ARID1B: variants seen among roughly 807,000 people sequenced by gnomAD.
The protein encoded by ARID1B is AT-rich interaction domain 1B, also known as AT-rich interactive domain-containing protein 1B.
Under a neutral mutation model 212.3 loss-of-function variants are expected in ARID1B, and 30 were observed. The ratio of observed to expected loss-of-function variants is 0.14; its 90% CI spans 0.11 to 0.19. ARID1B has a LOEUF of 0.19. ARID1B is among the 10% of genes least tolerant of loss of function. The pLI, the probability that ARID1B is intolerant of heterozygous loss-of-function variation, is 1.00. For missense variants in ARID1B, 2,891 were observed against 3,204.0 expected (o/e 0.90, Z 2.36); for synonymous variants, 1,402 against 1,301.7 (o/e 1.08, Z -1.66).
intron 2 of ARID1B, among the ~76,000 whole-genome samples, chr6:156,830,465 A>G (rs1352774195): frequency 6.6e-6 from 1 of 152,218 alleles, no homozygotes; most frequent in Non-Finnish European, 1.5e-5. Flanking sequence ...AGAATGATTG[A>G]TCATACTTTA....
chr6:156,884,495 C>T (rs1216138366), intron 2 of ARID1B, among the ~76,000 whole-genome samples: 1 of 152,132 alleles, frequency 6.6e-6, no homozygotes, highest in East Asian at 1.9e-4. Context: ...AGTAAAGCTC[C>T]AGCAGATAAG....
intron 13 of ARID1B, among the ~76,000 whole-genome samples, chr6:157,188,198 T>C (rs970092993): frequency 5.3e-5 from 8 of 150,946 alleles, no homozygotes; most frequent in African/African-American, 9.7e-5. Flanking sequence ...CCCCTCAACT[T>C]AAAGTTTAAA....
At chr6:156,926,119 T>G (rs1190745598) in intron 3 of ARID1B, among the ~76,000 whole-genome samples, 1 of 152,088 alleles carries the variant, frequency 6.6e-6, no homozygotes, top group Non-Finnish European at 1.5e-5. Context: ...CACCAGGCCT[T>G]TAAGAGGTGG....
intron 11 of ARID1B, among the ~76,000 whole-genome samples, chr6:157,178,151 C>G (rs1430055253): frequency 6.6e-6 from 1 of 152,122 alleles, no homozygotes; most frequent in South Asian, 2.1e-4. Context: ...ACTGTGCCCA[C>G]GTTCACTCCA....
rs2115005235 is a variant in ARID1B at position 156,779,420 on chromosome 6, T to C, written c.1740T>C (p.Ser580=). ...CCTGGGCGGCCGCGCAACAAAGGAG[T>C]CACCCGGCGATGAGCCCCGGCACCC... ...SPAWAAAQQR[S]HPAMSPGTPG... The change falls in exon 1 of 20, where the codon AGT becomes AGC. Residue 580 remains serine (S), a synonymous_variant. Transcript: ENST00000636930. 1.4e-6 allele frequency: 2 copies of C among 1,461,570 alleles called. No individual in the cohort carries two copies. Among genetic ancestry groups the C allele is most frequent in the Non-Finnish European group, 1.8e-6 (2 of 1,105,318 alleles). 90.5% of individuals were successfully genotyped at this position (1,461,570 alleles called of 1,614,324 possible). A position where few individuals can be genotyped will look rare whatever the true frequency, so the allele number is the denominator to read the frequency against.
At chr6:156,812,910 C>T (rs1207177462) in intron 1 of ARID1B, among the ~76,000 whole-genome samples, 1 of 140,168 alleles carries the variant, frequency 7.1e-6, no homozygotes. Flanking sequence ...CCTTTCTTTT[C>T]CAAATAGAAA....
chr6:157,071,239 T>C (rs1055301588), intron 4 of ARID1B: 3 of 152,148 alleles, frequency 2.0e-5, no homozygotes, highest in Non-Finnish European at 4.4e-5. Context: ...GCAGGTGCAC[T>C]CCACACAAGG....
intron 4 of ARID1B, chr6:156,977,188 G>T: frequency 2.1e-5 from 4 of 186,198 alleles, no homozygotes; most frequent in South Asian, 1.0e-4. Flanking sequence ...TTTTGGTTGT[G>T]TTTTATTGAC....
chr6:157,035,315 A>G (rs1287398923), intron 4 of ARID1B, among the ~76,000 whole-genome samples: 2 of 152,236 alleles, frequency 1.3e-5, no homozygotes, highest in Non-Finnish European at 2.9e-5. Flanking sequence ...GATATGATCT[A>G]TATGTGTAAT....
chr6:156,894,286 C>CGGGGGGTGGGGATGGGGGCCG (rs1788204015), intron 2 of ARID1B, among the ~76,000 whole-genome samples: 2 of 24,146 alleles, frequency 8.3e-5, no homozygotes, highest in African/African-American at 1.4e-4. Flanking sequence ...GGATGGGGGC[C>CGGGGGGTGGGGATGGGGGCCG]GGGGGGTTGG....
intron 1 of ARID1B, among the ~76,000 whole-genome samples, chr6:156,787,455 C>G (rs1048890912): frequency 6.6e-6 from 1 of 152,314 alleles, no homozygotes; most frequent in East Asian, 1.9e-4. Flanking sequence ...CACCATATTT[C>G]ATAGCCTTAT....
In ARID1B at chr6:157,190,239, AT is replaced by A; in HGVS notation, c.4231+30del. The A allele has an allele frequency of 1.3e-6, 2 of 1,587,838 alleles. No homozygotes were observed. The highest frequency in any genetic ancestry group is 1.3e-5 in the African/African-American group (1 of 74,108). ...CGTGTAGAGGGGCCTCCACCCGGCC[AT>A]GGACCAGTGGGCATTCTACTCTCTG... On this transcript the variant is annotated intron_variant, in intron 15 of 19. Transcript: ENST00000636930. This position sits in a 1 kb window ranked among gnomAD's most constrained non-coding sequence, Gnocchi z 4.6.
intron 3 of ARID1B, among the ~76,000 whole-genome samples, chr6:156,909,088 G>A (rs957959332): frequency 6.8e-6 from 1 of 148,044 alleles, no homozygotes; most frequent in Admixed American, 6.7e-5. Flanking sequence ...TGTATAAAAC[G>A]TAAGGGCACT....
At chr6:157,196,113 CTTTGACTTTCAGAAATGCCT>C in intron 15 of ARID1B, 32 bp from the exon 16 acceptor site, 9 of 1,596,778 alleles carry the variant, frequency 5.6e-6, no homozygotes, top group Non-Finnish European at 7.7e-6. Context: ...ATGGATGGGC[CTTTGACTTTCAGAAATGCCT>C]AAATGTATGC....
chr6:156,857,659 T>G (rs1785042771), intron 2 of ARID1B, among the ~76,000 whole-genome samples: 1 of 152,232 alleles, frequency 6.6e-6, no homozygotes, highest in Non-Finnish European at 1.5e-5. Flanking sequence ...CAAATAGTGT[T>G]CTGTTCCTAA....
At chr6:157,075,150 A>G (rs1784226154) in intron 4 of ARID1B, among the ~76,000 whole-genome samples, 1 of 14,774 alleles carries the variant, frequency 6.8e-5, no homozygotes, top group South Asian at 3.4e-3. Flanking sequence ...CTGCCCCTGT[A>G]CAAAAATGAA....
Position 157,080,889 on chromosome 6 carries a change from T to C in ARID1B, c.2248-3773T>C, listed in dbSNP as rs146494798. Among the ~76,000 whole-genome samples the C allele has an allele frequency of 9.2e-5, 14 of 152,322 alleles. No individual in the cohort carries two copies. In the East Asian group the frequency reaches 2.7e-3, roughly 29 times the overall value. On this transcript the variant is annotated intron_variant, in intron 4 of 19. Transcript: ENST00000636930. ...TTTTGAAGGCAGGGATTTTAAAAAA[T>C]TAATCATCGATAGTAGAAGTTAAGT...
chr6:156,866,933 G>A (rs1785738828), intron 2 of ARID1B, among the ~76,000 whole-genome samples: 1 of 152,208 alleles, frequency 6.6e-6, no homozygotes, highest in Non-Finnish European at 1.5e-5. Context: ...GTGATTTAGT[G>A]CATTTTATTT....
intron 1 of ARID1B, among the ~76,000 whole-genome samples, chr6:156,824,766 GAAAAC>G (rs1271504557): frequency 2.7e-5 from 4 of 150,846 alleles, no homozygotes. Flanking sequence ...CCCTGTCTCA[GAAAAC>G]AAAACAAAAC....
Sources: gnomAD v4.1 joint callset for allele counts (sites outside exome capture counted in the v4.1 genomes callset) on GRCh38, gnomAD v4.1.1 for gene constraint, Gnocchi (gnomAD v3.1) non-coding constraint, MANE v1.5 for transcripts, NCBI Gene and HGNC (gene_info 2026-07-23, HGNC 2026-07-21) for gene names.